The following PAPSS1 variants were observed in gnomAD, a reference collection of about 807,000 sequenced individuals.
PAPSS1 encodes the protein 3'-phosphoadenosine 5'-phosphosulfate synthase 1.
A neutral mutation model predicts 72.0 loss-of-function variants in PAPSS1; 50 were observed. The ratio of observed to expected loss-of-function variants is 0.69; its 90% CI spans 0.55 to 0.88. PAPSS1 has a LOEUF of 0.88. Among genes scored for constraint, PAPSS1 ranks in the 40% least tolerant of loss-of-function variants. The pLI is 0.00. For missense variants in PAPSS1, 657 were observed against 782.2 expected (o/e 0.84, Z 1.91); for synonymous variants, 261 against 263.6 (o/e 0.99, Z 0.09).
In PAPSS1 at chr4:107,645,027, T is replaced by A; in HGVS notation, c.1281A>T (p.Gly427=). ...GGGTATCCTGCATTAACAGGGCATG[T>A]CCATTGTGCACTGGGTTGCGTAGTT... ...AFQLRNPVHN[G]HALLMQDTHK... Residue 427 remains glycine, a synonymous_variant, in exon 10 of 12, where the codon GGA becomes GGT. Transcript: ENST00000265174. The A allele has an allele frequency of 2.5e-6, 4 of 1,602,884 alleles. No individual in the cohort carries two copies. The highest frequency in any genetic ancestry group is 1.7e-4 in the Middle Eastern group (1 of 5,996).
At chr4:107,629,031 A>G (rs1726168410) in intron 11 of PAPSS1, among the ~76,000 whole-genome samples, 1 of 152,218 alleles carries the variant, frequency 6.6e-6, no homozygotes, top group African/African-American at 2.4e-5. Flanking sequence ...GTTCATTATC[A>G]AAAACAACTA....
At chr4:107,657,155 G>A (rs1727036852) in intron 6 of PAPSS1, 148 bp from the exon 7 acceptor site, 4 of 573,226 alleles carry the variant, frequency 7.0e-6, no homozygotes, top group Admixed American at 3.2e-5. Flanking sequence ...CAAAGAATAA[G>A]GGCACTAGGA....
In PAPSS1 at chr4:107,682,625, T is replaced by C. The variant is rs147438905; in HGVS notation, c.551-492A>G. ...TTTTGTCACCTTTTTTCTTTCTTTT[T>C]TGTCTTAAGAAAATGCCCAAGCTGC... On this transcript the variant is annotated intron_variant, in intron 4 of 11. Transcript: ENST00000265174. Among the ~76,000 whole-genome samples, 15 of 152,334 alleles carry C rather than the reference T, an allele frequency of 9.8e-5. No homozygotes were observed. The East Asian group carries it at 2.5e-3, about 25-fold the overall frequency.
intron 5 of PAPSS1, among the ~76,000 whole-genome samples, chr4:107,663,601 G>GGCCTAAGA (rs1171713583): frequency 1.3e-5 from 2 of 152,046 alleles, no homozygotes; most frequent in African/African-American, 4.8e-5. Flanking sequence ...AGGAAATCGA[G>GGCCTAAGA]GCCTAAGAGA....
chr4:107,640,761 T>C (rs1239155227), intron 10 of PAPSS1, among the ~76,000 whole-genome samples: 1 of 152,222 alleles, frequency 6.6e-6, no homozygotes, highest in Non-Finnish European at 1.5e-5. Flanking sequence ...GCTTATTCTT[T>C]ACAAGTTCAG....
At chr4:107,711,666 T>C (rs1560594094) in intron 1 of PAPSS1, among the ~76,000 whole-genome samples, 2 of 152,240 alleles carry the variant, frequency 1.3e-5, no homozygotes, top group African/African-American at 2.4e-5. Flanking sequence ...ATTTCTTTTA[T>C]GTCCCTAGAC....
At chr4:107,692,916 T>C (rs1001645556) in intron 3 of PAPSS1, among the ~76,000 whole-genome samples, 3 of 152,092 alleles carry the variant, frequency 2.0e-5, no homozygotes, top group Non-Finnish European at 4.4e-5. Context: ...AAACACTATA[T>C]GTTCTCACTT....
At chr4:107,632,247 T>C (rs1240987675) in intron 10 of PAPSS1, among the ~76,000 whole-genome samples, 1 of 152,172 alleles carries the variant, frequency 6.6e-6, no homozygotes, top group Non-Finnish European at 1.5e-5. Context: ...GGGAGGCAAC[T>C]GCAAGGAGCT....
At chr4:107,716,900 G>A (rs907850381) in intron 1 of PAPSS1, among the ~76,000 whole-genome samples, 2 of 152,004 alleles carry the variant, frequency 1.3e-5, no homozygotes, top group Non-Finnish European at 2.9e-5. Context: ...TCCTTAACAG[G>A]AGCTATTATC....
intron 2 of PAPSS1, chr4:107,694,307 T>C (rs1723014291): frequency 3.1e-6 from 1 of 322,900 alleles, no homozygotes; most frequent in African/African-American, 2.1e-5. Context: ...ATATAAAAAA[T>C]TGCAATCACA....
intron 9 of PAPSS1, among the ~76,000 whole-genome samples, chr4:107,651,959 T>G (rs1726850690): frequency 6.6e-6 from 1 of 152,168 alleles, no homozygotes; most frequent in African/African-American, 2.4e-5. Flanking sequence ...AACTGCTAGG[T>G]GGTGAGGCAG....
intron 1 of PAPSS1, among the ~76,000 whole-genome samples, chr4:107,706,514 T>C (rs1318500177): frequency 6.6e-6 from 1 of 152,230 alleles, no homozygotes; most frequent in African/African-American, 2.4e-5. Flanking sequence ...CATTTGTTGT[T>C]TTCCAGAATA....
At chr4:107,642,626 CTATTA>C (rs1388646897) in intron 10 of PAPSS1, among the ~76,000 whole-genome samples, 68 of 152,208 alleles carry the variant, frequency 4.5e-4, no homozygotes, top group African/African-American at 1.4e-3. Flanking sequence ...AAAATATGGA[CTATTA>C]TATTCTATTT....
At chr4:107,662,526 G>T (rs542444276) in intron 5 of PAPSS1, among the ~76,000 whole-genome samples, 1 of 151,678 alleles carries the variant, frequency 6.6e-6, no homozygotes, top group South Asian at 2.1e-4. Context: ...CTTAAATTTT[G>T]CCAAGGAGTT....
At chr4:107,657,119 G>T in intron 6 of PAPSS1, 112 bp from the exon 7 acceptor site, 1 of 713,624 alleles carries the variant, frequency 1.4e-6, no homozygotes, top group Non-Finnish European at 2.6e-6. Context: ...ACAGTGTAAG[G>T]ATGAGTATAG....
At chr4:107,684,215 T>G (rs1204113045) in intron 4 of PAPSS1, among the ~76,000 whole-genome samples, 1 of 152,168 alleles carries the variant, frequency 6.6e-6, no homozygotes, top group East Asian at 1.9e-4. Flanking sequence ...AGGACTAAAC[T>G]CTGATTTTTT....
At chr4:107,633,599 G>A (rs1189293411) in intron 10 of PAPSS1, among the ~76,000 whole-genome samples, 2 of 152,042 alleles carry the variant, frequency 1.3e-5, no homozygotes, top group African/African-American at 2.4e-5. Context: ...GGGGGGTGGT[G>A]GATGATGGAA....
chr4:107,623,487 C>G (rs1182700848), intron 11 of PAPSS1, among the ~76,000 whole-genome samples: 1 of 152,164 alleles, frequency 6.6e-6, no homozygotes, highest in Non-Finnish European at 1.5e-5. Context: ...AATTTCATGA[C>G]TTGAGGGTTT....
At chr4:107,668,437 C>T (rs1327116685) in intron 5 of PAPSS1, among the ~76,000 whole-genome samples, 1 of 152,100 alleles carries the variant, frequency 6.6e-6, no homozygotes. Context: ...GGAAAGGATA[C>T]AAAGCATTGA....
Sources: gnomAD v4.1 joint callset for allele counts (sites outside exome capture counted in the v4.1 genomes callset) on GRCh38, gnomAD v4.1.1 for gene constraint, MANE v1.5 for transcripts, NCBI Gene and HGNC (gene_info 2026-07-23, HGNC 2026-07-21) for gene names.